Variants in PHEX observed in about 807,000 individuals in gnomAD.
PHEX encodes phosphate regulating endopeptidase X-linked, also known as phosphate-regulating neutral endopeptidase PHEX.
In PHEX, 16 loss-of-function variants were observed where a neutral mutation model predicts 68.0. The ratio of observed to expected loss-of-function variants is 0.24; its 90% CI spans 0.16 to 0.36. The LOEUF (loss-of-function observed/expected upper bound fraction) is 0.36. Ranked by LOEUF, PHEX falls within the 10% of genes least tolerant of loss-of-function variation. The pLI, the probability that PHEX is intolerant of heterozygous loss-of-function variation, is 1.00. For missense variants in PHEX, 480 were observed against 575.5 expected (o/e 0.83, Z 1.70); for synonymous variants, 208 against 205.1 (o/e 1.01, Z -0.12).
intron 3 of PHEX, among the ~76,000 whole-genome samples, chrX:22,064,870 A>G (rs762584892): frequency 8.9e-5 from 10 of 111,864 alleles, no homozygotes; most frequent in Middle Eastern, 4.6e-3. Flanking sequence ...TGCTTTCTTT[A>G]TCCAACTTGG....
At chrX:22,134,105 C>T (rs1054826701) in intron 12 of PHEX, among the ~76,000 whole-genome samples, 19 of 112,058 alleles carry the variant, frequency 1.7e-4, no homozygotes, top group African/African-American at 5.8e-4. Context: ...ATCTCCTTCC[C>T]GACCCATCAT....
chrX:22,228,907 G>A lies in PHEX; in HGVS notation c.2070+1296G>A, dbSNP rs1935608170. Among the ~76,000 whole-genome samples the A allele has an allele frequency of 5.4e-5, 6 of 110,888 alleles. No homozygotes were observed. In the Admixed American group the frequency reaches 5.7e-4, roughly 11 times the overall value. On this transcript the variant is annotated intron_variant, in intron 20 of 21. Coordinates refer to ENST00000379374, the MANE Select transcript of PHEX (RefSeq NM_000444.6). ...CCAACCAACCCTCTGACAGGCCCTG[G>A]TGTGTGATGTTCCCCTCTCTGTGTC...
chrX:22,144,840 T>C (rs1932618528), intron 12 of PHEX, among the ~76,000 whole-genome samples: 1 of 111,389 alleles, frequency 9.0e-6, no homozygotes, highest in Non-Finnish European at 1.9e-5. Context: ...TTTTAAATTT[T>C]AAGAGTACCG....
rs757894404 is a variant in PHEX, at chrX:22,111,527, G to T, written c.1140G>T (p.Arg380Ser). The T allele has an allele frequency of 1.7e-6, 2 of 1,207,278 alleles. No individual in the cohort carries two copies. The highest frequency in any genetic ancestry group is 3.5e-5 in the South Asian group (2 of 56,934). ...MVYSRIPNLS[R>S]RFQYRWLEFS... Reference sequence around the variant, plus strand: ...ATTCCAGAATTCCAAACCTTAGCAGGCGCTTTCAGTATAGATGGCTGGAAT... The same window carrying T: ...ATTCCAGAATTCCAAACCTTAGCAGTCGCTTTCAGTATAGATGGCTGGAAT... Residue 380 changes from arginine to serine, a missense_variant, in exon 10 of 22, where the codon AGG (arginine) becomes AGT (serine). Physicochemically the swap from Arg to Ser is moderately radical, Grantham distance 110 (BLOSUM62 -1). Coordinates refer to ENST00000379374, the MANE Select transcript of PHEX (RefSeq NM_000444.6).
Position 22,145,670 on chromosome X carries a change from A to AC in PHEX, c.1404+12048dup, listed in dbSNP as rs200953262. ...ATACAAATGTGCAGCCAGGCTTGAA[A>AC]CCACTGACTTAATTGTTTCAGTGGC... On this transcript the variant is annotated intron_variant, in intron 12 of 21. Transcript: ENST00000379374. Among the ~76,000 whole-genome samples the AC allele has an allele frequency of 8.1e-3, 897 of 110,624 alleles. 6 individuals are homozygous for AC. Among genetic ancestry groups the AC allele is most frequent in the African/African-American group, 0.028 (854 of 30,488 alleles).
intron 16 of PHEX, among the ~76,000 whole-genome samples, chrX:22,218,478 G>A (rs916948760): frequency 4.5e-5 from 5 of 111,806 alleles, no homozygotes; most frequent in African/African-American, 1.6e-4. Flanking sequence ...TCAAATCTTT[G>A]CTATTCAGTT....
At chrX:22,155,833 T>C (rs1932938790) in intron 12 of PHEX, among the ~76,000 whole-genome samples, 1 of 111,474 alleles carries the variant, frequency 9.0e-6, no homozygotes, top group African/African-American at 3.3e-5. Flanking sequence ...TTTTGAAAAA[T>C]GGGGAAACCT....
At chrX:22,080,722 AAAAC>A (rs1929351834) in intron 5 of PHEX, among the ~76,000 whole-genome samples, 1 of 97,564 alleles carries the variant, frequency 1.0e-5, no homozygotes, top group Non-Finnish European at 2.1e-5. Flanking sequence ...GTATAGTTAA[AAAAC>A]AAACAAAAAA....
chrX:22,243,035 G>C (rs1035967111), intron 20 of PHEX, among the ~76,000 whole-genome samples: 1 of 111,747 alleles, frequency 8.9e-6, no homozygotes, highest in Admixed American at 9.5e-5. Context: ...AAACTTTACT[G>C]CAAGGCTGCG....
chrX:22,133,316 G>C (rs898387566), intron 11 of PHEX, among the ~76,000 whole-genome samples: 1 of 112,151 alleles, frequency 8.9e-6, no homozygotes, highest in Non-Finnish European at 1.9e-5. Context: ...CCACCATGCT[G>C]GGCCTGGTTA....
intron 18 of PHEX, among the ~76,000 whole-genome samples, chrX:22,225,357 T>C (rs1935455863): frequency 9.0e-6 from 1 of 111,630 alleles, no homozygotes; most frequent in African/African-American, 3.3e-5. Context: ...GTGGGGACCA[T>C]TCCTCTGTGC....
At chrX:22,232,623 T>TTTTTTTTTTTTTTTTTC (rs1935802164) in intron 20 of PHEX, among the ~76,000 whole-genome samples, 1 of 78,653 alleles carries the variant, frequency 1.3e-5, no homozygotes, top group Non-Finnish European at 2.3e-5. Flanking sequence ...TTTTTTTTTT[T>TTTTTTTTTTTTTTTTTC]TTTGCTTTCC....
chrX:22,184,960 C>A (rs772191137), intron 14 of PHEX, among the ~76,000 whole-genome samples: 1 of 112,332 alleles, frequency 8.9e-6, no homozygotes, highest in Non-Finnish European at 1.9e-5. Context: ...CTTTTCCATT[C>A]CATATTCCCT....
chrX:22,197,210 G>A (rs1934394527), intron 15 of PHEX, among the ~76,000 whole-genome samples: 1 of 111,092 alleles, frequency 9.0e-6, no homozygotes, highest in East Asian at 2.8e-4. Context: ...GACACTCAGA[G>A]CAATTCTTAG....
At chrX:22,111,669 G>A in intron 10 of PHEX, 109 bp downstream of exon 10, 2 of 613,904 alleles carry the variant, frequency 3.3e-6, no homozygotes, top group Non-Finnish European at 5.5e-6. Context: ...TAGACAGGGG[G>A]AGTTTGTAGC....
chrX:22,230,512 C>A (rs1419209838), intron 20 of PHEX, among the ~76,000 whole-genome samples: 3 of 109,059 alleles, frequency 2.8e-5, no homozygotes, highest in Non-Finnish European at 5.7e-5. Context: ...AAGTTGTATT[C>A]CTAGGTGGTT....
chrX:22,076,596 G>A, intron 4 of PHEX, 122 bp downstream of exon 4: 1 of 530,591 alleles, frequency 1.9e-6, no homozygotes, highest in South Asian at 2.8e-5. Context: ...ATGTTTAAAG[G>A]TGTTAAAGGA....
chrX:22,229,622 T>C (rs1356483856), intron 20 of PHEX, among the ~76,000 whole-genome samples: 1 of 112,573 alleles, frequency 8.9e-6, no homozygotes, highest in Admixed American at 9.3e-5. Flanking sequence ...ATAAGTTCTT[T>C]GTAGATTCTC....
chrX:22,207,724 A>G (rs1934756330), intron 15 of PHEX, among the ~76,000 whole-genome samples: 1 of 111,842 alleles, frequency 8.9e-6, no homozygotes, highest in Non-Finnish European at 1.9e-5. Flanking sequence ...AAATCAAGAC[A>G]AAACTAATTC....
Sources: allele counts gnomAD v4.1 joint callset (sites outside exome capture counted in the v4.1 genomes callset), GRCh38; gene constraint gnomAD v4.1.1; transcripts MANE v1.5; gene names NCBI Gene and HGNC (gene_info 2026-07-23, HGNC 2026-07-21).